Variants in UACA observed in about 807,000 individuals in gnomAD.
UACA encodes the protein uveal autoantigen with coiled-coil domains and ankyrin repeats, also known as nuclear membrane binding protein.
In UACA, 112 loss-of-function variants were observed where a neutral mutation model predicts 160.5. The ratio of observed to expected loss-of-function variants is 0.70; its 90% CI spans 0.60 to 0.82. The LOEUF is 0.82. UACA is among the 40% of genes least tolerant of loss of function. UACA has a pLI of 0.00. For synonymous variants in UACA, 557 were observed against 568.4 expected, an observed-to-expected ratio of 0.98 and a Z score of 0.29; for missense variants, 1,574 against 1,614.6, an observed-to-expected ratio of 0.97 and a Z score of 0.43.
At chr15:70,683,783 C>G (rs1897600714) in intron 8 of UACA, among the ~76,000 whole-genome samples, 1 of 151,766 alleles carries the variant, frequency 6.6e-6, no homozygotes, top group African/African-American at 2.4e-5. Flanking sequence ...TTAACAGAGG[C>G]TTCTCAGTGG....
chr15:70,704,606 G>A (rs773120095), intron 1 of UACA, among the ~76,000 whole-genome samples: 7 of 152,124 alleles, frequency 4.6e-5, no homozygotes, highest in Non-Finnish European at 8.8e-5. Context: ...AGGCACCAGT[G>A]CTCTCAACTA....
intron 5 of UACA, among the ~76,000 whole-genome samples, chr15:70,689,396 AG>A (rs563496703): frequency 6.6e-6 from 1 of 152,188 alleles, no homozygotes; most frequent in Non-Finnish European, 1.5e-5. Flanking sequence ...TTTTTAAAGC[AG>A]GGATAATAAA....
At chr15:70,763,800 C>T (rs1359567753), upstream of UACA, among the ~76,000 whole-genome samples, 2 of 152,252 alleles carry the variant, frequency 1.3e-5, no homozygotes, top group African/African-American at 2.4e-5. Context: ...CCGGCGCCCG[C>T]CCACCCGGAG....
chr15:70,704,484 C>T lies in UACA; in HGVS notation c.79-4824G>A, dbSNP rs532953806. On this transcript the variant is annotated intron_variant, in intron 1 of 18. Transcript: ENST00000322954. ...CTTTCTTTACCAGCCTACAAATCCA[C>T]TGGACTCCTCAAAAAGCACTTTAGT... Among the ~76,000 whole-genome samples the T allele has an allele frequency of 4.1e-4, 62 of 152,334 alleles. 1 individual carries two copies. The highest frequency in any genetic ancestry group is 1.5e-3 in the African/African-American group (61 of 41,578).
At chr15:70,717,703 T>C (rs769827627) in intron 1 of UACA, among the ~76,000 whole-genome samples, 2 of 152,152 alleles carry the variant, frequency 1.3e-5, no homozygotes, top group Non-Finnish European at 2.9e-5. Flanking sequence ...AATTGCACAA[T>C]GTATATGTGA....
chr15:70,674,456 T>C (rs1222157592), intron 13 of UACA, among the ~76,000 whole-genome samples: 2 of 152,220 alleles, frequency 1.3e-5, no homozygotes, highest in African/African-American at 4.8e-5. Flanking sequence ...GTCTTTTGCA[T>C]CTGCTTTCAG....
At chr15:70,689,147 G>A (rs1897835502) in intron 5 of UACA, among the ~76,000 whole-genome samples, 1 of 152,026 alleles carries the variant, frequency 6.6e-6, no homozygotes, top group African/African-American at 2.4e-5. Context: ...ATACGGCTAC[G>A]ACCACAACTC....
intron 1 of UACA, among the ~76,000 whole-genome samples, chr15:70,726,310 A>T (rs1899142312): frequency 6.6e-6 from 1 of 152,188 alleles, no homozygotes; most frequent in African/African-American, 2.4e-5. Flanking sequence ...CTGGCAACAA[A>T]GGATTGGCTC....
At chr15:70,749,504 C>T (rs982674680) in intron 1 of UACA, among the ~76,000 whole-genome samples, 11 of 149,032 alleles carry the variant, frequency 7.4e-5, no homozygotes, top group South Asian at 4.2e-4. Flanking sequence ...CTGGCCTGGG[C>T]GATAAGCAAG....
chr15:70,664,665 C>T lies in UACA; in HGVS notation c.4110G>A (p.Leu1370=), dbSNP rs773984259. ...QHQVKSLEQQ[L]ADADRQHQEV... ...CCCCGTGTGCCTGGTTACTCACGGC[C>T]AGCTGTTGCTCCAGAGATTTCACTT... Residue 1370 remains leucine, a synonymous_variant, in exon 17 of 19, where the codon CTG becomes CTA. Coordinates refer to ENST00000322954, the MANE Select transcript of UACA (RefSeq NM_018003.4). The T allele has an allele frequency of 1.2e-6, 2 of 1,608,518 alleles. No individual in the cohort carries two copies. Among genetic ancestry groups the T allele is most frequent in the South Asian group, 2.2e-5 (2 of 90,240 alleles).
intron 1 of UACA, among the ~76,000 whole-genome samples, chr15:70,754,811 C>T (rs1465627803): frequency 6.6e-6 from 1 of 152,080 alleles, no homozygotes; most frequent in Non-Finnish European, 1.5e-5. Flanking sequence ...CATTTTTAAG[C>T]CTGGAAGAGA....
rs71152307 is a variant in UACA at position 70,659,395 on chromosome 15, G to GTTTTTTTTTTTTTTTTTTTTTTTTTTT, written c.4179+729_4179+755dup. Reference sequence around the variant, plus strand: ...TCTTTCCCTTCTTCATTTTTTGTTTGTTTTTTTTTTTTTTTTTTTTTTTTT... The same window carrying GTTTTTTTTTTTTTTTTTTTTTTTTTTT: ...TCTTTCCCTTCTTCATTTTTTGTTTGTTTTTTTTTTTTTTTTTTTTTTTTTTTTTTTTTTTTTTTTTTTTTTTTTTTT... On this transcript the variant is annotated intron_variant, in intron 18 of 18. Coordinates refer to ENST00000322954, the MANE Select transcript of UACA (RefSeq NM_018003.4). 4.3e-4 allele frequency among the ~76,000 whole-genome samples: 8 copies of GTTTTTTTTTTTTTTTTTTTTTTTTTTT among 18,818 alleles called. 4 individuals are homozygous for GTTTTTTTTTTTTTTTTTTTTTTTTTTT. The highest frequency in any genetic ancestry group is 7.7e-4 in the Non-Finnish European group (8 of 10,448). The allele number at this position is 18,818 out of a possible 152,430, so 12.3% of individuals were successfully genotyped here.
chr15:70,742,981 G>A (rs1200413986), intron 1 of UACA, among the ~76,000 whole-genome samples: 1 of 152,134 alleles, frequency 6.6e-6, no homozygotes, highest in Non-Finnish European at 1.5e-5. Context: ...CAAAATCAAG[G>A]TGCCAGCCAG....
chr15:70,741,036 AAAAATAAAAAT>A (rs1899518823), intron 1 of UACA, among the ~76,000 whole-genome samples: 1 of 152,064 alleles, frequency 6.6e-6, no homozygotes, highest in African/African-American at 2.4e-5. Flanking sequence ...TCAAAAAAAT[AAAAATAAAAAT>A]AAAATAAAAT....
Position 70,725,364 on chromosome 15 carries a change from A to G in UACA, c.79-25704T>C, listed in dbSNP as rs900680980. On this transcript the variant is annotated intron_variant, in intron 1 of 18. Transcript: ENST00000322954. ...GCCCTCCCTCCCATGGTGAATATGG[A>G]TAAATCAAGCTTAGCACTCTTTCCT... 1.8e-4 allele frequency among the ~76,000 whole-genome samples: 28 copies of G among 152,304 alleles called. 1 individual carries two copies. The highest frequency in any genetic ancestry group is 1.5e-3 in the Admixed American group (23 of 15,300).
intron 1 of UACA, among the ~76,000 whole-genome samples, chr15:70,727,730 T>C (rs1478023739): frequency 3.9e-5 from 6 of 152,236 alleles, no homozygotes; most frequent in Admixed American, 1.3e-4. Flanking sequence ...AATGTATTAA[T>C]TACTAAATAT....
chr15:70,705,875 T>C (rs964420349), intron 1 of UACA, among the ~76,000 whole-genome samples: 1 of 152,186 alleles, frequency 6.6e-6, no homozygotes, highest in African/African-American at 2.4e-5. Flanking sequence ...TTGGATGGCA[T>C]TAAAGAATTA....
At chr15:70,769,800 C>T in the UACA span, among the ~76,000 whole-genome samples, 46 of 152,142 alleles carry the variant, frequency 3.0e-4, no homozygotes, top group African/African-American at 1.1e-3. Flanking sequence ...AGTTCAAGAC[C>T]AGCCTGGCCA....
intron 9 of UACA, among the ~76,000 whole-genome samples, chr15:70,680,771 A>T (rs1897472222): frequency 6.6e-6 from 1 of 152,172 alleles, no homozygotes; most frequent in African/African-American, 2.4e-5. Context: ...CCTTGTTATT[A>T]GCACACTAAA....
Sources: allele counts gnomAD v4.1 joint callset (sites outside exome capture counted in the v4.1 genomes callset), GRCh38; gene constraint gnomAD v4.1.1; transcripts MANE v1.5; gene names NCBI Gene and HGNC (gene_info 2026-07-23, HGNC 2026-07-21).